Variants in CCDC148 observed in about 807,000 individuals in gnomAD.
The protein encoded by CCDC148 is coiled-coil domain-containing protein 148.
Under a neutral mutation model 85.7 loss-of-function variants are expected in CCDC148, and 89 were observed. The observed-to-expected ratio is 1.04, with a 90% CI of 0.87 to 1.24. The LOEUF is 1.24. Ranked by LOEUF, CCDC148 falls within the 50% of genes most tolerant of loss-of-function variation. CCDC148 has a pLI of 0.00. For synonymous variants in CCDC148, 230 were observed against 213.9 expected (o/e 1.08, Z -0.66); for missense variants, 692 against 671.7 (o/e 1.03, Z -0.33).
intron 11 of CCDC148, among the ~76,000 whole-genome samples, chr2:158,217,130 A>G (rs1686904380): frequency 6.6e-6 from 1 of 152,046 alleles, no homozygotes; most frequent in South Asian, 2.1e-4. Flanking sequence ...AACAATTTTG[A>G]TAAAATGAAG....
At chr2:158,405,637 T>C (rs1157674495) in intron 1 of CCDC148, among the ~76,000 whole-genome samples, 3 of 152,190 alleles carry the variant, frequency 2.0e-5, no homozygotes, top group African/African-American at 7.2e-5. Context: ...GAATAAAATG[T>C]GTTAAGTGTT....
intron 11 of CCDC148, among the ~76,000 whole-genome samples, chr2:158,218,123 C>T (rs1686986987): frequency 6.6e-6 from 1 of 152,128 alleles, no homozygotes; most frequent in South Asian, 2.1e-4. Context: ...ATTTTAAAGG[C>T]CTTTTTCACT....
chr2:158,442,119 C>T (rs1289697152), intron 1 of CCDC148, among the ~76,000 whole-genome samples: 1 of 151,898 alleles, frequency 6.6e-6, no homozygotes, highest in Non-Finnish European at 1.5e-5. Flanking sequence ...CTTTGATAGA[C>T]AATAGAAAAA....
intron 8 of CCDC148, 116 bp downstream of exon 8, chr2:158,313,640 A>G: frequency 9.6e-7 from 1 of 1,045,414 alleles, no homozygotes. Flanking sequence ...TATTTTCTAG[A>G]GGGTAGGAAA....
chr2:158,209,648 G>C (rs939757351), intron 11 of CCDC148, among the ~76,000 whole-genome samples: 16 of 152,188 alleles, frequency 1.1e-4, no homozygotes, highest in African/African-American at 3.9e-4. Flanking sequence ...GAAGACAGAA[G>C]GGGCCAATAT....
intron 9 of CCDC148, among the ~76,000 whole-genome samples, chr2:158,262,593 G>T (rs1689278636): frequency 6.6e-6 from 1 of 151,964 alleles, no homozygotes; most frequent in Non-Finnish European, 1.5e-5. Context: ...GTTCTGCATG[G>T]CTAGGGAGGC....
intron 1 of CCDC148, among the ~76,000 whole-genome samples, chr2:158,427,526 A>G (rs1003747103): frequency 4.6e-5 from 7 of 152,152 alleles, no homozygotes; most frequent in African/African-American, 1.7e-4. Context: ...ATTTAAAGGT[A>G]GGAAAGGATA....
At chr2:158,363,502 G>C (rs10201061) in intron 1 of CCDC148, among the ~76,000 whole-genome samples, 27,003 of 152,010 alleles carry the variant, frequency 0.18, 3,934 homozygotes, top group African/African-American at 0.4. Context: ...ATGCAAGTCT[G>C]GTTCAACATA....
intron 7 of CCDC148, among the ~76,000 whole-genome samples, chr2:158,336,234 T>C (rs1176981956): frequency 1.3e-5 from 2 of 152,170 alleles, no homozygotes; most frequent in African/African-American, 2.4e-5. Context: ...TAGAACAGTA[T>C]ACTTTTATGC....
chr2:158,328,094 A>C (rs1036908192), intron 7 of CCDC148, among the ~76,000 whole-genome samples: 6 of 151,856 alleles, frequency 4.0e-5, no homozygotes, highest in African/African-American at 1.5e-4. Flanking sequence ...ATACATGTGC[A>C]ATGTTGGTGT....
chr2:158,294,650 C>T (rs1691084416), intron 9 of CCDC148, among the ~76,000 whole-genome samples: 3 of 151,824 alleles, frequency 2.0e-5, no homozygotes, highest in Admixed American at 2.0e-4. Flanking sequence ...ATGGTGAAAC[C>T]CCGTCTCTAC....
At chr2:158,422,535 C>G (rs1233804724) in intron 1 of CCDC148, among the ~76,000 whole-genome samples, 2 of 152,088 alleles carry the variant, frequency 1.3e-5, no homozygotes, top group South Asian at 2.1e-4. Flanking sequence ...ATTCAACAGC[C>G]CTTCATGCTA....
intron 9 of CCDC148, among the ~76,000 whole-genome samples, chr2:158,278,601 C>A (rs1038018900): frequency 2.0e-5 from 3 of 152,216 alleles, no homozygotes; most frequent in South Asian, 2.1e-4. Flanking sequence ...CCCAGGCTTG[C>A]TTAGGTAAAC....
At chr2:158,434,286 T>C (rs931298317) in intron 1 of CCDC148, among the ~76,000 whole-genome samples, 6 of 152,172 alleles carry the variant, frequency 3.9e-5, no homozygotes, top group Admixed American at 6.5e-5. Context: ...AGAAGAAGGA[T>C]CAGGCAGCAA....
At chr2:158,411,748 AT>A (rs1686268796) in intron 1 of CCDC148, among the ~76,000 whole-genome samples, 1 of 151,794 alleles carries the variant, frequency 6.6e-6, no homozygotes, top group Non-Finnish European at 1.5e-5. Context: ...TGTTTCCTTG[AT>A]TTTTCACATT....
intron 2 of CCDC148, among the ~76,000 whole-genome samples, chr2:158,357,123 A>G (rs1683693072): frequency 6.6e-6 from 1 of 150,958 alleles, no homozygotes; most frequent in African/African-American, 2.4e-5. Context: ...AGATATACCT[A>G]ATGCTAGATG....
chr2:158,363,746 A>C (rs1684072068), intron 1 of CCDC148, among the ~76,000 whole-genome samples: 1 of 152,234 alleles, frequency 6.6e-6, no homozygotes, highest in Non-Finnish European at 1.5e-5. Flanking sequence ...CCCTTTGAAA[A>C]CTGGCACAAG....
At chr2:158,185,465 A>G (rs1284549532) in intron 11 of CCDC148, among the ~76,000 whole-genome samples, 2 of 152,162 alleles carry the variant, frequency 1.3e-5, no homozygotes, top group African/African-American at 4.8e-5. Flanking sequence ...CGGCAGCTCC[A>G]AGGGTTGGAT....
In CCDC148 at chr2:158,178,998, T is replaced by C; in HGVS notation, c.1371-2A>G. 1 of 1,598,706 alleles carries C rather than the reference T, an allele frequency of 6.3e-7. No homozygotes were observed. Among genetic ancestry groups the C allele is most frequent in the Non-Finnish European group, 8.6e-7 (1 of 1,167,194 alleles). ...AATAATTCTTGTCTATATTTAACCC[T>C]TTAAAAATAACACAGAAGGAAGTTG... On this transcript the variant is annotated splice_acceptor_variant, in intron 11 of 13. Transcript: ENST00000283233. LOFTEE classifies it high-confidence loss of function.
Sources: allele counts gnomAD v4.1 joint callset (sites outside exome capture counted in the v4.1 genomes callset), GRCh38; gene constraint gnomAD v4.1.1; transcripts MANE v1.5; gene names NCBI Gene and HGNC (gene_info 2026-07-23, HGNC 2026-07-21).